Variants in ZPBP observed in about 807,000 individuals in gnomAD.
The protein encoded by ZPBP is zona pellucida-binding protein 1.
A neutral mutation model predicts 44.8 loss-of-function variants in ZPBP; 26 were observed. The observed-to-expected ratio is 0.58, with a 90% CI of 0.43 to 0.81. The LOEUF is 0.81. Among genes scored for constraint, ZPBP ranks in the 30% least tolerant of loss-of-function variants. The pLI is 0.00. For missense variants in ZPBP, 409 were observed against 434.0 expected (o/e 0.94, Z 0.51); for synonymous variants, 174 against 153.2 (o/e 1.14, Z -1.00).
intron 2 of ZPBP, among the ~76,000 whole-genome samples, chr7:49,880,201 C>T (rs1337929319): frequency 6.6e-6 from 1 of 152,106 alleles, no homozygotes; most frequent in Non-Finnish European, 1.5e-5. Context: ...TTTTTTACTT[C>T]TTCATATGAT....
intron 7 of ZPBP, among the ~76,000 whole-genome samples, chr7:49,952,715 A>T (rs1795400653): frequency 6.6e-6 from 1 of 152,004 alleles, no homozygotes; most frequent in East Asian, 1.9e-4. Flanking sequence ...CTATCTTTCG[A>T]AACTAAGGGT....
intron 6 of ZPBP, among the ~76,000 whole-genome samples, chr7:50,013,701 G>A (rs922366881): frequency 2.6e-5 from 4 of 151,938 alleles, no homozygotes; most frequent in Non-Finnish European, 5.9e-5. Context: ...AGAGTGATAT[G>A]TCAGAGATGA....
intron 4 of ZPBP, among the ~76,000 whole-genome samples, chr7:50,038,353 T>C (rs929513454): frequency 1.5e-4 from 23 of 152,198 alleles, no homozygotes; most frequent in African/African-American, 5.5e-4. Flanking sequence ...CGTTATAAGC[T>C]AAACTACAAG....
At chr7:49,853,358 G>T (rs1790276347) in intron 2 of ZPBP, among the ~76,000 whole-genome samples, 1 of 152,208 alleles carries the variant, frequency 6.6e-6, no homozygotes, top group Admixed American at 6.5e-5. Context: ...AGGAAGTCAT[G>T]CCTGAAGTCT....
intron 2 of ZPBP, among the ~76,000 whole-genome samples, chr7:49,852,566 T>C (rs1790224065): frequency 6.6e-6 from 1 of 152,090 alleles, no homozygotes; most frequent in Non-Finnish European, 1.5e-5. Flanking sequence ...TAATGCTATT[T>C]AGTGGTTTTT....
chr7:50,047,379 A>C (rs1800424964), intron 4 of ZPBP, among the ~76,000 whole-genome samples: 1 of 152,156 alleles, frequency 6.6e-6, no homozygotes, highest in Non-Finnish European at 1.5e-5. Context: ...ACTAATGCTA[A>C]TGATATATTA....
At position 50,029,839 on chromosome 7, in the gene ZPBP, TTGTTGC is replaced by T. The variant is rs1489567469; in HGVS notation, c.706+1247_706+1252del. Among the ~76,000 whole-genome samples the T allele has an allele frequency of 2.3e-3, 265 of 117,120 alleles. 2 individuals are homozygous for T. The highest frequency in any genetic ancestry group is 9.9e-3 in the African/African-American group (250 of 25,276). 76.8% of individuals were successfully genotyped at this position (117,120 alleles called of 152,430 possible). A position where few individuals can be genotyped will look rare whatever the true frequency, so the allele number is the denominator to read the frequency against. ...CAGCTTTTGTTTTTTGTTGTTGTTGTTGTTGCTGTTGTTGTTGTTGTTGTTGTTGTT... is the reference window on the plus strand; with the variant it reads ...CAGCTTTTGTTTTTTGTTGTTGTTGTTGTTGTTGTTGTTGTTGTTGTTGTT... On this transcript the variant is annotated intron_variant, in intron 5 of 7. Coordinates refer to ENST00000046087, the MANE Select transcript of ZPBP (RefSeq NM_007009.3).
At chr7:49,847,621 C>T (rs910925007), downstream of ZPBP, among the ~76,000 whole-genome samples, 1 of 152,154 alleles carries the variant, frequency 6.6e-6, no homozygotes, top group Non-Finnish European at 1.5e-5. Flanking sequence ...GAGGAACACA[C>T]AGGGGCACGC....
Position 50,013,746 on chromosome 7 carries a change from G to T in ZPBP, c.783+4494C>A, listed in dbSNP as rs114085929. Among the ~76,000 whole-genome samples the T allele has an allele frequency of 1.8e-3, 273 of 151,940 alleles. 1 individual carries two copies. Among genetic ancestry groups the T allele is most frequent in the African/African-American group, 6.3e-3 (261 of 41,478 alleles). ...GAAAGACTCAATAGATTACTTTCTG[G>T]GTTGTAATCAAGCTCCACTTGGTCT... On this transcript the variant is annotated intron_variant, in intron 6 of 7. Transcript: ENST00000046087.
chr7:49,885,011 T>G (rs1228750570), intron 2 of ZPBP, among the ~76,000 whole-genome samples: 1 of 152,078 alleles, frequency 6.6e-6, no homozygotes, highest in Non-Finnish European at 1.5e-5. Context: ...GATATAAGTG[T>G]TGTATGGCTA....
chr7:50,059,595 C>T (rs1002066663), intron 3 of ZPBP, among the ~76,000 whole-genome samples: 3 of 152,096 alleles, frequency 2.0e-5, no homozygotes, highest in Non-Finnish European at 4.4e-5. Flanking sequence ...AGCAGAAACA[C>T]CTCGTAGAGA....
chr7:50,000,438 A>G (rs1368152246), intron 6 of ZPBP, among the ~76,000 whole-genome samples: 1 of 152,186 alleles, frequency 6.6e-6, no homozygotes, highest in African/African-American at 2.4e-5. Context: ...CTTGATTTAT[A>G]TTCCTATTAA....
At chr7:50,043,831 C>T (rs1034845424) in intron 4 of ZPBP, among the ~76,000 whole-genome samples, 1 of 152,198 alleles carries the variant, frequency 6.6e-6, no homozygotes, top group African/African-American at 2.4e-5. Flanking sequence ...CAGACATCTA[C>T]AGAACTCTCC....
At chr7:49,959,448 A>G (rs1314784869) in intron 7 of ZPBP, among the ~76,000 whole-genome samples, 5 of 152,154 alleles carry the variant, frequency 3.3e-5, no homozygotes, top group Non-Finnish European at 7.4e-5. Context: ...GGAAAATTAA[A>G]TCAAATAACA....
chr7:49,894,873 C>A (rs1792307636), intron 2 of ZPBP, among the ~76,000 whole-genome samples: 1 of 152,198 alleles, frequency 6.6e-6, no homozygotes, highest in African/African-American at 2.4e-5. Flanking sequence ...AGTGTGCTGG[C>A]AACTAGGGCA....
intron 3 of ZPBP, among the ~76,000 whole-genome samples, chr7:50,070,990 T>C (rs1801806415): frequency 6.6e-6 from 1 of 152,204 alleles, no homozygotes; most frequent in Non-Finnish European, 1.5e-5. Flanking sequence ...TCCAGCTCTT[T>C]CTTTTTCTCA....
At chr7:49,870,392 T>C (rs1239158847) in intron 2 of ZPBP, among the ~76,000 whole-genome samples, 1 of 152,174 alleles carries the variant, frequency 6.6e-6, no homozygotes, top group East Asian at 1.9e-4. Context: ...GCAGTGAGAC[T>C]CCGTCTCAAA....
At chr7:49,857,118 G>C (rs996635853) in intron 2 of ZPBP, among the ~76,000 whole-genome samples, 2 of 147,456 alleles carry the variant, frequency 1.4e-5, no homozygotes, top group East Asian at 4.2e-4. Context: ...GCATGATATC[G>C]TGCAGCAGAT....
intron 1 of ZPBP, chr7:49,919,452 A>G (rs1793904554): frequency 6.6e-6 from 1 of 152,210 alleles, no homozygotes; most frequent in African/African-American, 2.4e-5. Flanking sequence ...CTAGCTAGTG[A>G]TAAAATTATG....
Sources: allele counts gnomAD v4.1 joint callset (sites outside exome capture counted in the v4.1 genomes callset), GRCh38; gene constraint gnomAD v4.1.1; transcripts MANE v1.5; gene names NCBI Gene and HGNC (gene_info 2026-07-23, HGNC 2026-07-21).